Variants in TXK observed in about 807,000 individuals in gnomAD.
TXK encodes the protein tyrosine-protein kinase TXK.
In TXK, 60 loss-of-function variants were observed where a neutral mutation model predicts 81.0. The observed-to-expected ratio is 0.74, with a 90% CI of 0.60 to 0.92. The LOEUF (loss-of-function observed/expected upper bound fraction) is 0.92, where lower values mean the gene tolerates loss of function less well. Among genes scored for constraint, TXK ranks in the 40% least tolerant of loss-of-function variants. The pLI is 0.00. For missense variants in TXK, 581 were observed against 638.3 expected, an observed-to-expected ratio of 0.91 and a Z score of 0.97; for synonymous variants, 203 against 210.7, an observed-to-expected ratio of 0.96 and a Z score of 0.32.
At chr4:48,127,987 C>T (rs1719137026) in intron 1 of TXK, among the ~76,000 whole-genome samples, 1 of 152,146 alleles carries the variant, frequency 6.6e-6, no homozygotes, top group Admixed American at 6.5e-5. Context: ...TGAGAAGCAC[C>T]CCTTCTCAGA....
intron 6 of TXK, among the ~76,000 whole-genome samples, chr4:48,103,024 T>C (rs896023280): frequency 6.6e-6 from 1 of 152,212 alleles, no homozygotes; most frequent in African/African-American, 2.4e-5. Context: ...GGGGGTGGGC[T>C]TCAACTGTAT....
At chr4:48,132,957 A>G (rs1359648047) in intron 1 of TXK, among the ~76,000 whole-genome samples, 1 of 152,148 alleles carries the variant, frequency 6.6e-6, no homozygotes, top group Non-Finnish European at 1.5e-5. Context: ...AAAAAAAAAA[A>G]AAGTCTCATA....
At chr4:48,071,447 T>A in intron 14 of TXK, 70 bp downstream of exon 14, 1 of 1,459,262 alleles carries the variant, frequency 6.9e-7, no homozygotes. Flanking sequence ...TGAAGTAATG[T>A]TTGTGATAAT....
chr4:48,110,211 T>C lies in TXK; in HGVS notation c.446+327A>G, dbSNP rs572488617. On this transcript the variant is annotated intron_variant, in intron 5 of 14. Transcript: ENST00000264316. ...AAATATAGTACTTTATCTATATGGT[T>C]AAGTTTACCACTCATTGAAAATTTA... Among the ~76,000 whole-genome samples the C allele has an allele frequency of 2.6e-5, 4 of 152,366 alleles. No individual in the cohort carries two copies. In the South Asian group the frequency reaches 8.3e-4, roughly 32 times the overall value.
At chr4:48,074,795 T>A (rs763804040) in intron 12 of TXK, among the ~76,000 whole-genome samples, 104 of 152,284 alleles carry the variant, frequency 6.8e-4, no homozygotes, top group Non-Finnish European at 8.8e-4. Context: ...ACTTTTTTTT[T>A]AAATACACTA....
chr4:48,083,924 A>T (rs1717407436), intron 10 of TXK, among the ~76,000 whole-genome samples: 1 of 152,236 alleles, frequency 6.6e-6, no homozygotes. Flanking sequence ...AGACCTCCTG[A>T]AAGAGGTAAT....
chr4:48,093,732 A>G (rs561008134), intron 8 of TXK, among the ~76,000 whole-genome samples: 1 of 152,324 alleles, frequency 6.6e-6, no homozygotes, highest in East Asian at 1.9e-4. Flanking sequence ...GGGCAAAGGG[A>G]AAGAAGCATC....
At chr4:48,127,650 G>A (rs1030776141) in intron 1 of TXK, among the ~76,000 whole-genome samples, 1 of 152,200 alleles carries the variant, frequency 6.6e-6, no homozygotes, top group African/African-American at 2.4e-5. Context: ...CCTCTCCCAG[G>A]CTTACATCTG....
At chr4:48,124,958 T>C (rs1034421222) in intron 1 of TXK, among the ~76,000 whole-genome samples, 1 of 152,204 alleles carries the variant, frequency 6.6e-6, no homozygotes, top group African/African-American at 2.4e-5. Context: ...CAATCAAATC[T>C]AGAAAACGTA....
chr4:48,132,483 C>T (rs543178408), intron 1 of TXK, among the ~76,000 whole-genome samples: 81 of 152,288 alleles, frequency 5.3e-4, no homozygotes, highest in African/African-American at 1.8e-3. Context: ...GTTCTGATTT[C>T]GTCCAGCATT....
intron 5 of TXK, among the ~76,000 whole-genome samples, chr4:48,108,938 C>A (rs1424719517): frequency 6.6e-6 from 1 of 152,166 alleles, no homozygotes; most frequent in Non-Finnish European, 1.5e-5. Flanking sequence ...CACTAACCAC[C>A]AGGCACTGTG....
chr4:48,132,536 C>T (rs1385108252), intron 1 of TXK, among the ~76,000 whole-genome samples: 1 of 152,194 alleles, frequency 6.6e-6, no homozygotes, highest in Non-Finnish European at 1.5e-5. Context: ...CAAATATACA[C>T]ATACACACAC....
At chr4:48,093,042 T>C (rs1164515101) in intron 8 of TXK, among the ~76,000 whole-genome samples, 1 of 152,188 alleles carries the variant, frequency 6.6e-6, no homozygotes, top group East Asian at 1.9e-4. Context: ...CCACTCTTTC[T>C]TTTTTCTTTG....
chr4:48,088,069 A>C (rs2109423156), intron 9 of TXK, among the ~76,000 whole-genome samples: 1 of 152,342 alleles, frequency 6.6e-6, no homozygotes, highest in African/African-American at 2.4e-5. Flanking sequence ...AATTGATAAA[A>C]ATAATTAGTC....
At chr4:48,121,659 A>C (rs1454163396) in intron 1 of TXK, among the ~76,000 whole-genome samples, 1 of 152,212 alleles carries the variant, frequency 6.6e-6, no homozygotes, top group African/African-American at 2.4e-5. Flanking sequence ...AATCATTGTT[A>C]CACTATATTG....
At chr4:48,111,414 T>C (rs925963449) in intron 4 of TXK, among the ~76,000 whole-genome samples, 33 of 152,340 alleles carry the variant, frequency 2.2e-4, no homozygotes, top group Non-Finnish European at 4.3e-4. Flanking sequence ...TTGGAGGTAG[T>C]GGCAAAGCAG....
At chr4:48,104,306 ATAAT>A (rs1718333699) in intron 6 of TXK, among the ~76,000 whole-genome samples, 1 of 8,394 alleles carries the variant, frequency 1.2e-4, no homozygotes, top group Non-Finnish European at 1.6e-4. Context: ...AATATAATAT[ATAAT>A]ATATATAATA....
intron 1 of TXK, among the ~76,000 whole-genome samples, chr4:48,131,692 G>A (rs1719251279): frequency 6.6e-6 from 1 of 152,182 alleles, no homozygotes; most frequent in African/African-American, 2.4e-5. Flanking sequence ...CCAATAGGTA[G>A]TCCCTTATTT....
At chr4:48,083,646 G>T (rs1717394478) in intron 10 of TXK, among the ~76,000 whole-genome samples, 2 of 152,134 alleles carry the variant, frequency 1.3e-5, no homozygotes, top group African/African-American at 4.8e-5. Context: ...TTGGAGTTGT[G>T]GTGAGGATTC....
Sources: gnomAD v4.1 joint callset for allele counts (sites outside exome capture counted in the v4.1 genomes callset) on GRCh38, gnomAD v4.1.1 for gene constraint, MANE v1.5 for transcripts, NCBI Gene and HGNC (gene_info 2026-07-23, HGNC 2026-07-21) for gene names.